TTBK1: variants seen among roughly 807,000 people sequenced by gnomAD.
TTBK1 encodes tau tubulin kinase 1, also known as tau-tubulin kinase 1.
A neutral mutation model predicts 108.5 loss-of-function variants in TTBK1; 34 were observed. The observed-to-expected ratio is 0.31, with a 90% CI of 0.24 to 0.42. The LOEUF is 0.42. TTBK1 is among the 10% of genes least tolerant of loss of function. The pLI, the probability that TTBK1 is intolerant of heterozygous loss-of-function variation, is 1.00. For synonymous variants in TTBK1, 809 were observed against 795.1 expected (o/e 1.02, Z -0.29); for missense variants, 1,539 against 1,826.0 (o/e 0.84, Z 2.86).
In TTBK1 at chr6:43,283,074, G is replaced by T. The variant is rs1778228698; in HGVS notation, c.2334G>T (p.Leu778Phe). ...AGGAGGCTGCAGCGGCAGTTGCCTT[G>T]GGGGAGGTGCTGGGGCCTCGTAGTG... ...EEEEAAAAVA[L>F]GEVLGPRSGS... is the part of the protein sequence containing the mutation. The change falls in exon 14 of 15, where the codon TTG becomes TTT. Residue 778 changes from leucine to phenylalanine, a missense_variant. By Grantham distance (22) the Leu-to-Phe change is conservative. Coordinates refer to ENST00000259750, the MANE Select transcript of TTBK1 (RefSeq NM_032538.3). The surrounding 1 kb of genome is among the most constrained non-coding windows in gnomAD (Gnocchi z 8.1). 1.3e-6 allele frequency: 2 copies of T among 1,587,416 alleles called. No homozygotes were observed. Among genetic ancestry groups the T allele is most frequent in the South Asian group, 2.3e-5 (2 of 87,582 alleles).
intron 12 of TTBK1, 44 bp from the exon 13 acceptor site, chr6:43,262,745 C>CCAGTGGGG (rs1562089119): frequency 6.8e-7 from 1 of 1,478,940 alleles, no homozygotes; most frequent in Admixed American, 2.3e-5. Context: ...CCTTGGGGGT[C>CCAGTGGGG]CAGTGGGGCC....
chr6:43,263,150 C>G lies in TTBK1; in HGVS notation c.1786C>G (p.Arg596Gly), dbSNP rs1361762723. 2 of 1,568,252 alleles carry G rather than the reference C, an allele frequency of 1.3e-6. No individual in the cohort carries two copies. Among genetic ancestry groups the G allele is most frequent in the Non-Finnish European group, 1.7e-6 (2 of 1,155,546 alleles). ...GGGGGCAGAGCCCACCGTCCGGCCC[C>G]GGGGACGCAGCATGCAGGCGCTGGC... ...RLGAEPTVRP[R>G]GRSMQALAEE... is the part of the protein sequence containing the mutation. Residue 596 changes from arginine to glycine, a missense_variant, in exon 13 of 15, where the codon CGG (arginine) becomes GGG (glycine). By Grantham distance (125) the Arg-to-Gly change is moderately radical. Transcript: ENST00000259750. The surrounding 1 kb of genome is among the most constrained non-coding windows in gnomAD (Gnocchi z 4.7).
At chr6:43,272,727 G>A (rs914653199) in intron 13 of TTBK1, 6 of 958,402 alleles carry the variant, frequency 6.3e-6, no homozygotes, top group Non-Finnish European at 6.2e-6. Flanking sequence ...TGTGAAGCTC[G>A]GCAGAGCTTC....
chr6:43,250,378 C>T (rs1317444460), intron 2 of TTBK1, among the ~76,000 whole-genome samples: 63 of 103,236 alleles, frequency 6.1e-4, no homozygotes, highest in African/African-American at 1.9e-3. Context: ...TTTTTTAAGA[C>T]GGAGTTTCTC....
In TTBK1 at chr6:43,243,606, C is replaced by G. The variant is rs1777010529; in HGVS notation, c.-157C>G. On this transcript the variant is annotated 5_prime_UTR_variant, in exon 1 of 15. Coordinates refer to ENST00000259750, the MANE Select transcript of TTBK1 (RefSeq NM_032538.3). The surrounding 1 kb of genome is among the most constrained non-coding windows in gnomAD (Gnocchi z 5.5). ...CCGGAGGGAGCGGGTCACCCAACGC[C>G]GCACTGAGCCGCCCCCGCCCCGCCC... 1 of 151,880 alleles carries G rather than the reference C, an allele frequency of 6.6e-6. No homozygotes were observed. Among genetic ancestry groups the G allele is most frequent in the South Asian group, 1.8e-4 (1 of 5,628 alleles). 9.4% of individuals were successfully genotyped at this position (151,880 alleles called of 1,614,324 possible).
Position 43,263,173 on chromosome 6 carries a change from G to A in TTBK1, c.1809G>A (p.Leu603=). ...VRPRGRSMQA[L]AEEDLQHLPP... is the part of the protein sequence containing the mutation. ...CCCGGGGACGCAGCATGCAGGCGCT[G>A]GCGGAGGAGGACCTGCAGCATTTGC... Residue 603 remains leucine, a synonymous_variant, in exon 13 of 15, where the codon CTG becomes CTA. Coordinates refer to ENST00000259750, the MANE Select transcript of TTBK1 (RefSeq NM_032538.3). This position sits in a 1 kb window ranked among gnomAD's most constrained non-coding sequence, Gnocchi z 4.7. 6.3e-7 allele frequency: 1 copy of A among 1,577,100 alleles called. No individual in the cohort carries two copies.
At chr6:43,247,209 C>T (rs954000436) in intron 2 of TTBK1, among the ~76,000 whole-genome samples, 1 of 152,110 alleles carries the variant, frequency 6.6e-6, no homozygotes, top group Non-Finnish European at 1.5e-5. Context: ...GCAGGCTGCT[C>T]CCGCCGCACC....
chr6:43,255,706 T>C (rs1420469380), intron 8 of TTBK1, 25 bp from the exon 9 acceptor site: 1 of 1,613,908 alleles, frequency 6.2e-7, no homozygotes, highest in African/African-American at 1.3e-5. Flanking sequence ...TGGGACTCCA[T>C]CTCCCTGTGG....
chr6:43,252,558 G>A (rs1057300834), intron 2 of TTBK1, among the ~76,000 whole-genome samples, 181 bp from the exon 3 acceptor site: 4 of 151,292 alleles, frequency 2.6e-5, no homozygotes, highest in African/African-American at 9.7e-5. Flanking sequence ...GAAGGCGGAG[G>A]TTGCAGTGAG....
chr6:43,269,889 G>A lies in TTBK1; in HGVS notation c.1986+6539G>A. 2.6e-6 allele frequency: 4 copies of A among 1,518,668 alleles called. No individual in the cohort carries two copies. Among genetic ancestry groups the A allele is most frequent in the African/African-American group, 2.8e-5 (2 of 72,260 alleles). The allele number at this position is 1,518,668 out of a possible 1,614,324, so 94.1% of individuals were successfully genotyped here. A position where few individuals can be genotyped will look rare whatever the true frequency, so the allele number is the denominator to read the frequency against. The stretch of plus-strand genomic sequence containing the variant: ...TGGCAACCACAGACTCATGCCCTCG[G>A]TGCTCCGCATCTCGCGGTCCCAGCT... On this transcript the variant is annotated intron_variant, in intron 13 of 14. Coordinates refer to ENST00000259750, the MANE Select transcript of TTBK1 (RefSeq NM_032538.3). This position sits in a 1 kb window ranked among gnomAD's most constrained non-coding sequence, Gnocchi z 4.8.
At position 43,272,471 on chromosome 6, in the gene TTBK1, A is replaced by C. The variant is rs974825028; in HGVS notation, c.1986+9121A>C. On this transcript the variant is annotated intron_variant, in intron 13 of 14. Transcript: ENST00000259750. ...AAGGCGGCTGAGTTTTCAAACACAC[A>C]CCCCCCACCTCAGAACTGACACCTG... The C allele has an allele frequency of 1.9e-5, 19 of 984,832 alleles. No individual in the cohort carries two copies. The African/African-American group carries it at 2.6e-4, about 14-fold the overall frequency. The allele number at this position is 984,832 out of a possible 1,614,324, so 61.0% of individuals were successfully genotyped here.
chr6:43,253,855 T>G lies in TTBK1; in HGVS notation c.471+147T>G. 6.5e-6 allele frequency: 7 copies of G among 1,076,502 alleles called. No individual in the cohort carries two copies. The highest frequency in any genetic ancestry group is 7.7e-6 in the Non-Finnish European group (6 of 774,534). 66.7% of individuals were successfully genotyped at this position (1,076,502 alleles called of 1,614,324 possible). On this transcript the variant is annotated intron_variant, in intron 5 of 14. Transcript: ENST00000259750. This position sits in a 1 kb window ranked among gnomAD's most constrained non-coding sequence, Gnocchi z 5.8. ...TCTCCCCAAGCCCCTCCTGCTCTCC[T>G]TCCCAGGCCCCATCTCTTCCTCTCC...
intron 14 of TTBK1, among the ~76,000 whole-genome samples, chr6:43,284,684 A>AT: frequency 6.6e-6 from 1 of 152,330 alleles, no homozygotes; most frequent in South Asian, 2.1e-4. Context: ...ATTAATATAA[A>AT]CATAGGTATA....
chr6:43,253,410 G>C lies in TTBK1; in HGVS notation c.330+46G>C, dbSNP rs1477888000. 3.7e-6 allele frequency: 6 copies of C among 1,610,670 alleles called. No homozygotes were observed. In the Admixed American group the frequency reaches 6.7e-5, roughly 18 times the overall value. ...CTCGCTCCCCTCTCTAAGAGCTTGG[G>C]CTGTGACTCCAGGGTAGGGGAAGGG... On this transcript the variant is annotated intron_variant, in intron 4 of 14. Transcript: ENST00000259750. The surrounding 1 kb of genome is among the most constrained non-coding windows in gnomAD (Gnocchi z 5.8).
Position 43,276,328 on chromosome 6 carries a change from C to T in TTBK1, c.1987-6399C>T, listed in dbSNP as rs1777998399. Among the ~76,000 whole-genome samples, 1 of 152,204 alleles carries T rather than the reference C, an allele frequency of 6.6e-6. No individual in the cohort carries two copies. The highest frequency in any genetic ancestry group is 2.4e-5 in the African/African-American group (1 of 41,450). ...GGACGCTTTTTTTCTTCCTCTCTCT[C>T]TCCGGGGTGCGTCCTCCTTAGTGTA... is the stretch of plus-strand genomic sequence containing the variant. On this transcript the variant is annotated intron_variant, in intron 13 of 14. Coordinates refer to ENST00000259750, the MANE Select transcript of TTBK1 (RefSeq NM_032538.3). The surrounding 1 kb of genome is among the most constrained non-coding windows in gnomAD (Gnocchi z 5.4).
At chr6:43,272,275 A>T (rs1374657805) in intron 13 of TTBK1, 1 of 985,280 alleles carries the variant, frequency 1.0e-6, no homozygotes, top group Non-Finnish European at 1.2e-6. Flanking sequence ...GGGTTCCACT[A>T]CTCAACCCTG....
chr6:43,286,520 A>G lies in TTBK1; in HGVS notation c.*1144A>G, dbSNP rs1345635311. Reference sequence around the variant, plus strand: ...GCTGGCTCAGGCATCGTCTCCCGCAATGGGCAGAGAGAGCAGAGACAGGTG... The same window carrying G: ...GCTGGCTCAGGCATCGTCTCCCGCAGTGGGCAGAGAGAGCAGAGACAGGTG... On this transcript the variant is annotated 3_prime_UTR_variant, in exon 15 of 15. Transcript: ENST00000259750. This position sits in a 1 kb window ranked among gnomAD's most constrained non-coding sequence, Gnocchi z 4.6. The G allele has an allele frequency of 2.6e-5, 4 of 152,506 alleles. No homozygotes were observed. The highest frequency in any genetic ancestry group is 4.4e-5 in the Non-Finnish European group (3 of 68,062). The allele number at this position is 152,506 out of a possible 1,614,324, so 9.4% of individuals were successfully genotyped here.
chr6:43,285,686 G>T lies in TTBK1; in HGVS notation c.*310G>T, dbSNP rs1484087486. On this transcript the variant is annotated 3_prime_UTR_variant, in exon 15 of 15. Coordinates refer to ENST00000259750, the MANE Select transcript of TTBK1 (RefSeq NM_032538.3). The surrounding 1 kb of genome is among the most constrained non-coding windows in gnomAD (Gnocchi z 4.7). ...CATCAGTCTCTCCGCCCCGGGGAAG[G>T]CTCAGCCACTTTTCATCGAGGACTC... The T allele has an allele frequency of 8.5e-6, 2 of 235,592 alleles. No individual in the cohort carries two copies. Among genetic ancestry groups the T allele is most frequent in the Non-Finnish European group, 1.6e-5 (2 of 123,022 alleles). 14.6% of individuals were successfully genotyped at this position (235,592 alleles called of 1,614,324 possible).
chr6:43,264,307 CA>C (rs1777622380), intron 13 of TTBK1, among the ~76,000 whole-genome samples: 1 of 152,078 alleles, frequency 6.6e-6, no homozygotes, highest in African/African-American at 2.4e-5. Context: ...TGATTGAACC[CA>C]AGAGGCAGAG....
Sources: gnomAD v4.1 joint callset for allele counts (sites outside exome capture counted in the v4.1 genomes callset) on GRCh38, gnomAD v4.1.1 for gene constraint, Gnocchi (gnomAD v3.1) non-coding constraint, MANE v1.5 for transcripts, NCBI Gene and HGNC (gene_info 2026-07-23, HGNC 2026-07-21) for gene names.